Variants in KLHL32 observed in about 807,000 individuals in gnomAD.
KLHL32 encodes the protein kelch like family member 32.
Under a neutral mutation model 64.8 loss-of-function variants are expected in KLHL32, and 35 were observed. The ratio of observed to expected loss-of-function variants is 0.54; its 90% CI spans 0.41 to 0.72. The LOEUF (loss-of-function observed/expected upper bound fraction) is 0.72, where lower values mean the gene tolerates loss of function less well. KLHL32 is among the 30% of genes least tolerant of loss of function. The pLI is 0.00. For synonymous variants in KLHL32, 259 were observed against 281.0 expected (o/e 0.92, Z 0.78); for missense variants, 589 against 768.5 (o/e 0.77, Z 2.76).
At chr6:97,124,814 C>A (rs2128218565) in intron 7 of KLHL32, among the ~76,000 whole-genome samples, 1 of 152,214 alleles carries the variant, frequency 6.6e-6, no homozygotes, top group East Asian at 1.9e-4. Flanking sequence ...CTTGTGAAGT[C>A]TCAAGAGATT....
At chr6:97,110,134 G>A (rs532733223) in intron 6 of KLHL32, among the ~76,000 whole-genome samples, 1 of 152,308 alleles carries the variant, frequency 6.6e-6, no homozygotes, top group South Asian at 2.1e-4. Context: ...ACTTCTGGCA[G>A]AGACCTGGTG....
intron 10 of KLHL32, among the ~76,000 whole-genome samples, chr6:97,137,979 A>C (rs948486066): frequency 1.3e-5 from 2 of 152,166 alleles, no homozygotes; most frequent in Non-Finnish European, 2.9e-5. Flanking sequence ...AGGAAAAGGG[A>C]CTCAAGGTGG....
At chr6:96,953,123 G>A (rs763131225) in intron 1 of KLHL32, among the ~76,000 whole-genome samples, 11 of 152,192 alleles carry the variant, frequency 7.2e-5, no homozygotes, top group Non-Finnish European at 1.5e-4. Flanking sequence ...CAAGACTGCT[G>A]TCTTGGTGAA....
intron 2 of KLHL32, among the ~76,000 whole-genome samples, chr6:96,973,571 A>G (rs1775340140): frequency 6.6e-6 from 1 of 152,146 alleles, no homozygotes; most frequent in African/African-American, 2.4e-5. Context: ...TTTTGAAGAA[A>G]AATTTCAAAC....
At chr6:96,939,463 A>G (rs1315706404) in intron 1 of KLHL32, among the ~76,000 whole-genome samples, 1 of 152,180 alleles carries the variant, frequency 6.6e-6, no homozygotes, top group Non-Finnish European at 1.5e-5. Context: ...AATGCTGAGG[A>G]GGAGAGGTTC....
the KLHL32 span, among the ~76,000 whole-genome samples, chr6:96,899,616 G>A: frequency 2.6e-5 from 4 of 152,134 alleles, no homozygotes; most frequent in Non-Finnish European, 5.9e-5. Context: ...CCTGATCCTG[G>A]CCCAGTGCTG....
At chr6:96,994,169 A>C (rs1778184132) in intron 3 of KLHL32, among the ~76,000 whole-genome samples, 1 of 152,238 alleles carries the variant, frequency 6.6e-6, no homozygotes, top group African/African-American at 2.4e-5. Context: ...GTCTCCCAAC[A>C]GTCACATGCC....
At chr6:97,055,797 A>T (rs1362610087) in intron 4 of KLHL32, among the ~76,000 whole-genome samples, 1 of 78,610 alleles carries the variant, frequency 1.3e-5, no homozygotes, top group South Asian at 3.9e-4. Flanking sequence ...GAACCTGTCT[A>T]AAAAAAAAAA....
intron 5 of KLHL32, among the ~76,000 whole-genome samples, chr6:97,080,079 C>A (rs1237784879): frequency 1.3e-5 from 2 of 152,150 alleles, no homozygotes; most frequent in Non-Finnish European, 2.9e-5. Flanking sequence ...GGAAATAATT[C>A]TCTGTTGGAC....
intron 3 of KLHL32, among the ~76,000 whole-genome samples, chr6:97,039,493 C>T (rs1784797739): frequency 6.6e-6 from 1 of 151,932 alleles, no homozygotes; most frequent in Non-Finnish European, 1.5e-5. Context: ...AGTAGAGTGA[C>T]TATAGTTTAC....
In KLHL32 at chr6:96,975,962, AGG is replaced by A. The variant is rs778908961; in HGVS notation, c.24-34_24-33del. The A allele has an allele frequency of 8.1e-6, 12 of 1,485,642 alleles. No individual in the cohort carries two copies. The South Asian group carries it at 1.7e-4, about 21-fold the overall frequency. The allele number at this position is 1,485,642 out of a possible 1,614,324, so 92.0% of individuals were successfully genotyped here. On this transcript the variant is annotated intron_variant, in intron 2 of 10. Transcript: ENST00000369261. ...GCAGCTGGCCCACAGGGCTGGGAAA[AGG>A]AAAAATGTTGACTTGATTGCTCTCC...
intron 6 of KLHL32, among the ~76,000 whole-genome samples, chr6:97,086,105 C>G (rs1320607962): frequency 6.6e-6 from 1 of 152,204 alleles, no homozygotes. Flanking sequence ...GAAGCACTGG[C>G]TAGCCATTTT....
At chr6:97,065,067 G>A (rs1159812613) in intron 5 of KLHL32, among the ~76,000 whole-genome samples, 1 of 152,124 alleles carries the variant, frequency 6.6e-6, no homozygotes, top group African/African-American at 2.4e-5. Context: ...AATATTGTCT[G>A]GTTATGGAAA....
At chr6:97,115,681 C>A (rs1326417287) in intron 7 of KLHL32, among the ~76,000 whole-genome samples, 1 of 152,110 alleles carries the variant, frequency 6.6e-6, no homozygotes, top group Non-Finnish European at 1.5e-5. Context: ...TTGAGAAAGG[C>A]CCTAAGTGTT....
chr6:96,997,932 T>C (rs1778593660), intron 3 of KLHL32, among the ~76,000 whole-genome samples: 1 of 152,238 alleles, frequency 6.6e-6, no homozygotes, highest in Non-Finnish European at 1.5e-5. Context: ...TGTTGTTTCC[T>C]ATTTGGTTGC....
chr6:97,082,843 T>A (rs1055164181), intron 5 of KLHL32, among the ~76,000 whole-genome samples: 18 of 152,150 alleles, frequency 1.2e-4, no homozygotes, highest in Admixed American at 7.2e-4. Context: ...GGCCACCCCC[T>A]CTTTCCCTGA....
intron 3 of KLHL32, among the ~76,000 whole-genome samples, chr6:97,002,466 GTTTA>G (rs1303033238): frequency 1.3e-5 from 2 of 152,104 alleles, no homozygotes; most frequent in African/African-American, 2.4e-5. Context: ...CCATATTTTT[GTTTA>G]TTTATTATTT....
intron 3 of KLHL32, among the ~76,000 whole-genome samples, chr6:96,997,058 G>T (rs1019415851): frequency 6.6e-6 from 1 of 152,016 alleles, no homozygotes; most frequent in Admixed American, 6.5e-5. Context: ...TGTGGTTGAG[G>T]GTCAGGGAGC....
intron 1 of KLHL32, among the ~76,000 whole-genome samples, chr6:96,935,004 G>A (rs1770410119): frequency 1.3e-5 from 2 of 152,192 alleles, no homozygotes; most frequent in African/African-American, 4.8e-5. Flanking sequence ...GCATTTTGAA[G>A]AGATATGCAA....
Sources: allele counts gnomAD v4.1 joint callset (sites outside exome capture counted in the v4.1 genomes callset), GRCh38; gene constraint gnomAD v4.1.1; transcripts MANE v1.5; gene names NCBI Gene and HGNC (gene_info 2026-07-23, HGNC 2026-07-21).